The following MALRD1 variants were observed in gnomAD, a reference collection of about 807,000 sequenced individuals.
The protein encoded by MALRD1 is MAM and LDL-receptor class A domain-containing protein 1.
Under a neutral mutation model 242.1 loss-of-function variants are expected in MALRD1, and 247 were observed. The ratio of observed to expected loss-of-function variants is 1.02; its 90% confidence interval spans 0.92 to 1.13. MALRD1 has a LOEUF of 1.13. MALRD1 is among the 50% of genes most tolerant of loss of function. The pLI is 0.00. For synonymous variants in MALRD1, 995 were observed against 866.6 expected (o/e 1.15, Z -2.60); for missense variants, 2,989 against 2,533.1 (o/e 1.18, Z -3.86).
intron 14 of MALRD1, among the ~76,000 whole-genome samples, chr10:19,202,245 G>A (rs1836571824): frequency 6.6e-6 from 1 of 152,040 alleles, no homozygotes; most frequent in Admixed American, 6.6e-5. Context: ...TTTATTTTTA[G>A]ATATATAGAT....
chr10:19,720,629 A>G (rs796982327), intron 38 of MALRD1, among the ~76,000 whole-genome samples: 8 of 152,258 alleles, frequency 5.3e-5, no homozygotes, highest in African/African-American at 1.9e-4. Context: ...CTTTGCCTCA[A>G]TTCTATTTTC....
chr10:19,138,454 T>G, intron 10 of MALRD1, among the ~76,000 whole-genome samples: 1 of 147,932 alleles, frequency 6.8e-6, no homozygotes, highest in African/African-American at 2.5e-5. Context: ...AGAGTCTTGC[T>G]CTGTCACCCA....
intron 34 of MALRD1, among the ~76,000 whole-genome samples, chr10:19,606,470 A>G (rs1390877299): frequency 2.0e-5 from 3 of 152,154 alleles, no homozygotes; most frequent in Admixed American, 1.3e-4. Context: ...TGCCTTTGAC[A>G]TATTTCTGCT....
At chr10:19,200,582 C>A (rs1259359015) in intron 14 of MALRD1, among the ~76,000 whole-genome samples, 1 of 145,990 alleles carries the variant, frequency 6.8e-6, no homozygotes, top group Non-Finnish European at 1.5e-5. Context: ...AGTTCTAAGA[C>A]AGTGAATCTG....
chr10:19,197,713 C>A (rs944845151), intron 14 of MALRD1, among the ~76,000 whole-genome samples: 1 of 152,126 alleles, frequency 6.6e-6, no homozygotes, highest in Admixed American at 6.6e-5. Flanking sequence ...AATTACAGCC[C>A]TTTGCTCTAA....
At chr10:19,180,142 T>G (rs1835440087) in intron 14 of MALRD1, among the ~76,000 whole-genome samples, 1 of 152,214 alleles carries the variant, frequency 6.6e-6, no homozygotes, top group Non-Finnish European at 1.5e-5. Context: ...AAGGTGGTTT[T>G]GAGTCAAGAC....
chr10:19,326,764 A>T (rs553565256), intron 22 of MALRD1, among the ~76,000 whole-genome samples: 1 of 152,234 alleles, frequency 6.6e-6, no homozygotes, highest in South Asian at 2.1e-4. Flanking sequence ...CTTCACTTTT[A>T]AAAGTCAGGA....
intron 36 of MALRD1, among the ~76,000 whole-genome samples, chr10:19,671,163 T>C (rs1198304288): frequency 6.6e-6 from 1 of 152,194 alleles, no homozygotes; most frequent in Non-Finnish European, 1.5e-5. Flanking sequence ...CACTGTGGAA[T>C]GTACAATATG....
intron 24 of MALRD1, among the ~76,000 whole-genome samples, chr10:19,339,605 C>G (rs1004876415): frequency 2.6e-5 from 4 of 152,114 alleles, no homozygotes; most frequent in African/African-American, 9.7e-5. Context: ...TGTCAGCACT[C>G]CATTACAAGT....
At chr10:19,210,479 A>G (rs544155320) in intron 18 of MALRD1, among the ~76,000 whole-genome samples, 2 of 152,324 alleles carry the variant, frequency 1.3e-5, no homozygotes, top group East Asian at 1.9e-4. Context: ...CATAGAGCCT[A>G]TAACATGCAG....
At chr10:19,521,297 C>T (rs1440078449) in intron 31 of MALRD1, among the ~76,000 whole-genome samples, 1 of 152,020 alleles carries the variant, frequency 6.6e-6, no homozygotes. Context: ...ATCTTGCTTC[C>T]TTTAATTTAT....
At chr10:19,118,421 G>A (rs1836948216) in intron 5 of MALRD1, among the ~76,000 whole-genome samples, 1 of 152,102 alleles carries the variant, frequency 6.6e-6, no homozygotes, top group Non-Finnish European at 1.5e-5. Flanking sequence ...GTTTAGAAAG[G>A]CAGAACAACT....
intron 36 of MALRD1, among the ~76,000 whole-genome samples, chr10:19,677,810 T>C (rs1446449785): frequency 6.6e-6 from 1 of 152,230 alleles, no homozygotes; most frequent in African/African-American, 2.4e-5. Context: ...GGTTTTACAT[T>C]TAAGTCTTTA....
chr10:19,668,679 A>G (rs1353587024), intron 36 of MALRD1, among the ~76,000 whole-genome samples: 1 of 152,190 alleles, frequency 6.6e-6, no homozygotes, highest in African/African-American at 2.4e-5. Flanking sequence ...AGTAATGACT[A>G]GAGGAAAAAA....
intron 32 of MALRD1, among the ~76,000 whole-genome samples, chr10:19,560,950 A>C (rs780355744): frequency 7.9e-5 from 12 of 152,172 alleles, no homozygotes; most frequent in Non-Finnish European, 1.5e-4. Flanking sequence ...CCAAAACTTA[A>C]AGTATAATAA....
At chr10:19,124,429 G>A in intron 6 of MALRD1, 95 bp from the exon 7 acceptor site, 1 of 1,018,602 alleles carries the variant, frequency 9.8e-7, no homozygotes, top group East Asian at 3.3e-5. Context: ...GTGTATGTGT[G>A]TATATAAGCT....
At chr10:19,272,840 G>A (rs964227303) in intron 19 of MALRD1, among the ~76,000 whole-genome samples, 16 of 152,210 alleles carry the variant, frequency 1.1e-4, no homozygotes, top group East Asian at 7.7e-4. Flanking sequence ...CTTCATCCAC[G>A]TCCCTGCAAA....
chr10:19,584,096 C>T (rs1251045041), intron 33 of MALRD1, among the ~76,000 whole-genome samples: 2 of 149,920 alleles, frequency 1.3e-5, no homozygotes, highest in Non-Finnish European at 3.0e-5. Context: ...TTTATTGCGT[C>T]TATTTGATTC....
chr10:19,146,514 T>C (rs1428536596), intron 11 of MALRD1, among the ~76,000 whole-genome samples, 170 bp downstream of exon 11: 1 of 152,222 alleles, frequency 6.6e-6, no homozygotes, highest in Admixed American at 6.5e-5. Context: ...TTGAGTTCCC[T>C]GAAAGGAGCA....
Sources: allele counts gnomAD v4.1 joint callset (sites outside exome capture counted in the v4.1 genomes callset), GRCh38; gene constraint gnomAD v4.1.1; transcripts MANE v1.5; gene names NCBI Gene and HGNC (gene_info 2026-07-23, HGNC 2026-07-21).